Variants in EFCAB5 observed in about 807,000 individuals in gnomAD.
The protein encoded by EFCAB5 is EF-hand calcium-binding domain-containing protein 5.
A neutral mutation model predicts 167.9 loss-of-function variants in EFCAB5; 131 were observed. The observed-to-expected ratio is 0.78, with a 90% confidence interval of 0.68 to 0.90. The LOEUF (loss-of-function observed/expected upper bound fraction) is 0.90. Among genes scored for constraint, EFCAB5 ranks in the 40% least tolerant of loss-of-function variants. The pLI, the probability that EFCAB5 is intolerant of heterozygous loss-of-function variation, is 0.00. For synonymous variants in EFCAB5, 574 were observed against 602.8 expected (o/e 0.95, Z 0.70); for missense variants, 1,663 against 1,745.2 (o/e 0.95, Z 0.84).
At chr17:30,069,466 G>A (rs982823561) in intron 14 of EFCAB5, 64 of 1,579,688 alleles carry the variant, frequency 4.1e-5, no homozygotes, top group Admixed American at 1.8e-4. Flanking sequence ...AGGAAGCTGA[G>A]ATTGATGGCG....
intron 18 of EFCAB5, among the ~76,000 whole-genome samples, 198 bp downstream of exon 18, chr17:30,083,241 C>A (rs140719391): frequency 6.6e-6 from 1 of 152,334 alleles, no homozygotes; most frequent in East Asian, 1.9e-4. Context: ...AACTGACTCA[C>A]GTGACCAAAA....
chr17:30,091,563 A>G (rs961598562), intron 20 of EFCAB5, among the ~76,000 whole-genome samples: 1 of 152,230 alleles, frequency 6.6e-6, no homozygotes, highest in Non-Finnish European at 1.5e-5. Context: ...AGAAGAGGAA[A>G]AGGATATTCA....
intron 3 of EFCAB5, among the ~76,000 whole-genome samples, 172 bp from the exon 4 acceptor site, chr17:29,968,618 TA>T (rs938496158): frequency 2.6e-5 from 4 of 152,218 alleles, no homozygotes; most frequent in African/African-American, 4.8e-5. Context: ...AAGTCAACAA[TA>T]AATGTCTTTA....
chr17:30,023,594 C>T (rs917904024), intron 7 of EFCAB5, among the ~76,000 whole-genome samples: 6 of 151,972 alleles, frequency 3.9e-5, no homozygotes, highest in African/African-American at 1.5e-4. Flanking sequence ...CCGAATTCTA[C>T]CAGAGGTACA....
chr17:30,105,267 A>G (rs2071433852), intron 22 of EFCAB5, among the ~76,000 whole-genome samples: 2 of 152,108 alleles, frequency 1.3e-5, no homozygotes, highest in African/African-American at 4.8e-5. Flanking sequence ...AGGCCGGATC[A>G]TCTGAGGTCA....
intron 8 of EFCAB5, among the ~76,000 whole-genome samples, chr17:30,041,960 C>T (rs1484975134): frequency 2.6e-5 from 4 of 151,912 alleles, no homozygotes; most frequent in Non-Finnish European, 5.9e-5. Flanking sequence ...ACTTAAGAGA[C>T]TACAGTTTAA....
chr17:30,036,263 T>C (rs1024997318), intron 8 of EFCAB5, among the ~76,000 whole-genome samples: 5 of 118,518 alleles, frequency 4.2e-5, no homozygotes, highest in African/African-American at 1.6e-4. Context: ...AATATACATA[T>C]ATAATATATA....
intron 3 of EFCAB5, among the ~76,000 whole-genome samples, chr17:29,953,025 GT>G (rs2067543679): frequency 6.6e-6 from 1 of 152,130 alleles, no homozygotes; most frequent in Non-Finnish European, 1.5e-5. Flanking sequence ...AAAATAGCGA[GT>G]TTACCTGGCC....
intron 20 of EFCAB5, among the ~76,000 whole-genome samples, 189 bp from the exon 21 acceptor site, chr17:30,091,682 G>C (rs1567773384): frequency 6.6e-6 from 1 of 152,160 alleles, no homozygotes; most frequent in South Asian, 2.1e-4. Context: ...GCTTCACCGG[G>C]AGTAATTTCA....
chr17:29,931,823 G>C (rs1195057796), intron 1 of EFCAB5, among the ~76,000 whole-genome samples: 1 of 152,154 alleles, frequency 6.6e-6, no homozygotes, highest in Non-Finnish European at 1.5e-5. Flanking sequence ...CAAATCTGTA[G>C]GTCTTAGTAC....
At chr17:29,942,149 A>C in intron 1 of EFCAB5, 91 bp from the exon 2 acceptor site, 1 of 1,141,520 alleles carries the variant, frequency 8.8e-7, no homozygotes, top group Non-Finnish European at 1.2e-6. Context: ...AAATTTTTAA[A>C]AATTAAAAGC....
chr17:29,983,363 A>T (rs920832153), intron 4 of EFCAB5, among the ~76,000 whole-genome samples: 1 of 152,230 alleles, frequency 6.6e-6, no homozygotes, highest in Non-Finnish European at 1.5e-5. Flanking sequence ...CCAGTGTTCA[A>T]GTACTTTTCA....
chr17:30,041,652 T>C lies in EFCAB5; in HGVS notation c.1200+7267T>C, dbSNP rs1022504571. Among the ~76,000 whole-genome samples, 4 of 152,246 alleles carry C rather than the reference T, an allele frequency of 2.6e-5. No homozygotes were observed. The East Asian group carries it at 7.7e-4, about 29-fold the overall frequency. On this transcript the variant is annotated intron_variant, in intron 8 of 22. Coordinates refer to ENST00000394835, the MANE Select transcript of EFCAB5 (RefSeq NM_198529.4). ...ACTCCAATTTTGAAAGAAGTTCTAC[T>C]GTAGATAAAATGCTATCAAACAGCA... is the stretch of plus-strand genomic sequence containing the variant.
intron 17 of EFCAB5, among the ~76,000 whole-genome samples, chr17:30,082,311 T>C (rs1409683355): frequency 6.6e-6 from 1 of 151,932 alleles, no homozygotes; most frequent in East Asian, 1.9e-4. Context: ...GATGCTATTC[T>C]CTAATAGCAC....
rs2071475220 is a variant in EFCAB5, at chr17:30,108,224, C to T, written c.*200C>T. On this transcript the variant is annotated 3_prime_UTR_variant, in exon 23 of 23. Coordinates refer to ENST00000394835, the MANE Select transcript of EFCAB5 (RefSeq NM_198529.4). Reference sequence around the variant, plus strand: ...CCAAAAAATACCCAGCTAAGGTAGCCATAGCCAAGTGTATTTAAGTATGTT... The same window carrying T: ...CCAAAAAATACCCAGCTAAGGTAGCTATAGCCAAGTGTATTTAAGTATGTT... 6.1e-6 allele frequency: 3 copies of T among 493,132 alleles called. No homozygotes were observed. In the South Asian group the frequency reaches 7.6e-5, roughly 13 times the overall value. 30.5% of individuals were successfully genotyped at this position (493,132 alleles called of 1,614,324 possible). A position where few individuals can be genotyped will look rare whatever the true frequency, so the allele number is the denominator to read the frequency against.
At chr17:30,008,637 T>C (rs1307995676) in intron 7 of EFCAB5, among the ~76,000 whole-genome samples, 1 of 151,982 alleles carries the variant, frequency 6.6e-6, no homozygotes, top group African/African-American at 2.4e-5. Flanking sequence ...TTAATGAAGT[T>C]AATAGGACTC....
At position 30,048,848 on chromosome 17, in the gene EFCAB5, T is replaced by TAGC. The variant is rs568195447; in HGVS notation, c.1201-2270_1201-2269insAGC. Among the ~76,000 whole-genome samples the TAGC allele has an allele frequency of 4.6e-3, 700 of 152,316 alleles. 2 individuals are homozygous for TAGC. Among genetic ancestry groups the TAGC allele is most frequent in the Non-Finnish European group, 8.2e-3 (557 of 68,032 alleles). Reference sequence around the variant, plus strand: ...TTACATGGCTATTCCAGGTGTGGAATCTTTATTGAATCAAATTGACGTAGC... The same window carrying TAGC: ...TTACATGGCTATTCCAGGTGTGGAATAGCCTTTATTGAATCAAATTGACGTAGC... On this transcript the variant is annotated intron_variant, in intron 8 of 22. Transcript: ENST00000394835.
At chr17:29,974,739 A>G (rs767339008) in intron 4 of EFCAB5, among the ~76,000 whole-genome samples, 1 of 152,174 alleles carries the variant, frequency 6.6e-6, no homozygotes, top group Non-Finnish European at 1.5e-5. Flanking sequence ...TTGAGTCACA[A>G]CTTCTCAGTT....
At chr17:30,029,429 T>A (rs896753095) in intron 7 of EFCAB5, among the ~76,000 whole-genome samples, 1 of 152,160 alleles carries the variant, frequency 6.6e-6, no homozygotes, top group Admixed American at 6.5e-5. Flanking sequence ...ATACTGAAAG[T>A]GAAAAACAGA....
Sources: allele counts gnomAD v4.1 joint callset (sites outside exome capture counted in the v4.1 genomes callset), GRCh38; gene constraint gnomAD v4.1.1; transcripts MANE v1.5; gene names NCBI Gene and HGNC (gene_info 2026-07-23, HGNC 2026-07-21).